CTNNA2: variants seen among roughly 807,000 people sequenced by gnomAD.
CTNNA2 encodes catenin alpha-2.
A neutral mutation model predicts 101.0 loss-of-function variants in CTNNA2; 42 were observed. That is an observed-to-expected ratio of 0.42 (90% CI 0.32 to 0.54). The LOEUF is 0.54. CTNNA2 is among the 20% of genes least tolerant of loss of function. CTNNA2 has a pLI of 0.14. For synonymous variants in CTNNA2, 450 were observed against 456.4 expected (o/e 0.99, Z 0.18); for missense variants, 871 against 1,223.1 (o/e 0.71, Z 4.29).
At chr2:79,827,408 T>C (rs181152692) in intron 3 of CTNNA2, among the ~76,000 whole-genome samples, 6 of 152,228 alleles carry the variant, frequency 3.9e-5, no homozygotes, top group Admixed American at 3.9e-4. Context: ...GAGCAAAAAG[T>C]AGTTGGCTTG....
At position 80,303,139 on chromosome 2, in the gene CTNNA2, G is replaced by A. The variant is rs78127943; in HGVS notation, c.1057-90072G>A. ...GCAGGGAGATGAGGCGCGGGAAGTG[G>A]GCGAAGTTCACCTTGACCAAGTCGT... On this transcript the variant is annotated intron_variant, in intron 7 of 18. Coordinates refer to ENST00000402739, the MANE Select transcript of CTNNA2 (RefSeq NM_001282597.3). This position sits in a 1 kb window ranked among gnomAD's most constrained non-coding sequence, Gnocchi z 7.7. 2,374 of 1,614,108 alleles carry A rather than the reference G, an allele frequency of 1.5e-3. 23 individuals are homozygous for A. In the African/African-American group the frequency reaches 0.027, roughly 18 times the overall value.
intron 7 of CTNNA2, among the ~76,000 whole-genome samples, chr2:80,380,851 G>A (rs1361191867): frequency 1.3e-5 from 2 of 152,130 alleles, no homozygotes; most frequent in Non-Finnish European, 2.9e-5. Flanking sequence ...TAAGAACCTT[G>A]TAATTCTTTA....
chr2:79,239,597 A>G (rs1674597267), intron 2 of CTNNA2, among the ~76,000 whole-genome samples: 1 of 152,224 alleles, frequency 6.6e-6, no homozygotes, highest in Non-Finnish European at 1.5e-5. Flanking sequence ...AAAACACCCT[A>G]GAAGAAAATC....
intron 7 of CTNNA2, among the ~76,000 whole-genome samples, chr2:80,070,717 CAAAA>C (rs70940074): frequency 1.8e-3 from 253 of 140,480 alleles, no homozygotes; most frequent in African/African-American, 6.4e-3. Flanking sequence ...GACCCTGTCT[CAAAA>C]AAAAAAAAAA....
At chr2:79,271,869 T>C (rs1162946656) in intron 2 of CTNNA2, among the ~76,000 whole-genome samples, 3 of 152,074 alleles carry the variant, frequency 2.0e-5, no homozygotes, top group African/African-American at 4.8e-5. Flanking sequence ...ATAGCAGGTA[T>C]ATTTTTTTGC....
Position 80,405,295 on chromosome 2 carries a change from T to G in CTNNA2, c.1137+12004T>G, listed in dbSNP as rs558895293. On this transcript the variant is annotated intron_variant, in intron 8 of 18. Transcript: ENST00000402739. ...AAAGATTTTTTTTCCGAGTAGAGTA[T>G]TGAAATTCCAATAATAAGATTAAAT... 2.0e-5 allele frequency among the ~76,000 whole-genome samples: 3 copies of G among 152,308 alleles called. No individual in the cohort carries two copies. The South Asian group carries it at 6.2e-4, about 32-fold the overall frequency.
At chr2:80,628,144 C>T (rs1671881884) in intron 18 of CTNNA2, among the ~76,000 whole-genome samples, 1 of 152,046 alleles carries the variant, frequency 6.6e-6, no homozygotes, top group African/African-American at 2.4e-5. Flanking sequence ...GCATTCCATG[C>T]TCATGGATAG....
At chr2:79,340,899 TA>T (rs35622290) in intron 3 of CTNNA2, among the ~76,000 whole-genome samples, 49,956 of 119,804 alleles carry the variant, frequency 0.42, 9,301 homozygotes, top group Middle Eastern at 0.53. Context: ...AGGGATCTAG[TA>T]AAAAAAAAAA....
chr2:80,327,123 CTGAG>C (rs1296488916), intron 7 of CTNNA2, among the ~76,000 whole-genome samples: 1 of 152,158 alleles, frequency 6.6e-6, no homozygotes, highest in East Asian at 1.9e-4. Flanking sequence ...ATGCTGTTCT[CTGAG>C]TGTAACTCTG....
At chr2:79,191,994 G>A (rs1410089336) in intron 1 of CTNNA2, among the ~76,000 whole-genome samples, 1 of 152,148 alleles carries the variant, frequency 6.6e-6, no homozygotes. Context: ...TTGATCAGCT[G>A]TTGTGTCAAA....
At position 80,491,369 on chromosome 2, in the gene CTNNA2, C is replaced by T. The variant is rs550096076; in HGVS notation, c.1291-53613C>T. Among the ~76,000 whole-genome samples the T allele has an allele frequency of 2.6e-5, 4 of 152,304 alleles. No homozygotes were observed. In the South Asian group the frequency reaches 8.3e-4, roughly 32 times the overall value. On this transcript the variant is annotated intron_variant, in intron 9 of 18. Transcript: ENST00000402739. ...CCAAGGTGGGAGAACGGCATGATCA[C>T]CGTCTTTGAAGACAGATAGACAACG...
At chr2:80,232,348 T>TG (rs1558926440) in intron 7 of CTNNA2, among the ~76,000 whole-genome samples, 2 of 13,174 alleles carry the variant, frequency 1.5e-4, no homozygotes, top group African/African-American at 6.6e-4. Context: ...TTTGTTTGTT[T>TG]TTTTTTTTTT....
intron 3 of CTNNA2, among the ~76,000 whole-genome samples, chr2:79,366,034 C>T (rs1677742540): frequency 1.3e-5 from 2 of 152,174 alleles, no homozygotes; most frequent in South Asian, 2.1e-4. Context: ...AGTTATTCTG[C>T]AGCATTAACA....
At chr2:79,290,963 A>T (rs1292357841) in intron 2 of CTNNA2, among the ~76,000 whole-genome samples, 1 of 152,148 alleles carries the variant, frequency 6.6e-6, no homozygotes, top group Non-Finnish European at 1.5e-5. Context: ...ACCCTGTAAT[A>T]CACGCCCACT....
At chr2:80,234,862 G>A (rs1165584639) in intron 7 of CTNNA2, among the ~76,000 whole-genome samples, 1 of 151,286 alleles carries the variant, frequency 6.6e-6, no homozygotes, top group Non-Finnish European at 1.5e-5. Flanking sequence ...TAGTTTTGTA[G>A]GCCAGTTTCA....
At chr2:79,189,949 C>T (rs932214019) in intron 1 of CTNNA2, among the ~76,000 whole-genome samples, 5 of 152,048 alleles carry the variant, frequency 3.3e-5, no homozygotes, top group African/African-American at 4.8e-5. Flanking sequence ...AAGAAGAAGC[C>T]TGTGTAAAGT....
chr2:79,442,615 A>C (rs1678788484), intron 4 of CTNNA2, among the ~76,000 whole-genome samples: 1 of 152,174 alleles, frequency 6.6e-6, no homozygotes, highest in African/African-American at 2.4e-5. Context: ...AAAGGGATCC[A>C]GAGACTATTT....
chr2:79,737,193 C>G (rs1245548260), intron 2 of CTNNA2, among the ~76,000 whole-genome samples: 1 of 151,930 alleles, frequency 6.6e-6, no homozygotes, highest in Non-Finnish European at 1.5e-5. Flanking sequence ...ACTAAAAATA[C>G]AAAAAATTAG....
chr2:80,461,493 T>A (rs1173725917), intron 9 of CTNNA2, among the ~76,000 whole-genome samples: 1 of 152,198 alleles, frequency 6.6e-6, no homozygotes, highest in Non-Finnish European at 1.5e-5. Context: ...TTGCTAGGGT[T>A]CCTATAACTA....
Sources: allele counts gnomAD v4.1 joint callset (sites outside exome capture counted in the v4.1 genomes callset), GRCh38; gene constraint gnomAD v4.1.1; non-coding constraint Gnocchi (gnomAD v3.1); transcripts MANE v1.5; gene names NCBI Gene and HGNC (gene_info 2026-07-23, HGNC 2026-07-21).